RHOJ: variants seen among roughly 807,000 people sequenced by gnomAD.
RHOJ encodes the protein rho-related GTP-binding protein RhoJ.
Under a neutral mutation model 23.4 loss-of-function variants are expected in RHOJ, and 11 were observed. The observed-to-expected ratio is 0.47, with a 90% CI of 0.30 to 0.78. The LOEUF (loss-of-function observed/expected upper bound fraction) is 0.78, where lower values mean the gene tolerates loss of function less well. Among genes scored for constraint, RHOJ ranks in the 30% least tolerant of loss-of-function variants. RHOJ has a pLI of 0.08. For missense variants in RHOJ, 254 were observed against 273.4 expected, an observed-to-expected ratio of 0.93 and a Z score of 0.50; for synonymous variants, 102 against 102.7, an observed-to-expected ratio of 0.99 and a Z score of 0.04.
intron 4 of RHOJ, among the ~76,000 whole-genome samples, chr14:63,289,684 G>A (rs1882187088): frequency 1.3e-5 from 2 of 152,320 alleles, no homozygotes; most frequent in Middle Eastern, 3.4e-3. Flanking sequence ...ATTTTTAAAT[G>A]AGAATCTATA....
Position 63,238,413 on chromosome 14 carries a change from T to TTTA in RHOJ, c.179-30682_179-30680dup, listed in dbSNP as rs539718990. Among the ~76,000 whole-genome samples the TTTA allele has an allele frequency of 3.2e-4, 48 of 151,924 alleles. 1 individual carries two copies. The East Asian group carries it at 7.4e-3, about 23-fold the overall frequency. ...AGAAAGTCTTGAGCTATGCATTTTA[T>TTTA]TTATTATTATTATTATTTTTTTAGA... On this transcript the variant is annotated intron_variant, in intron 1 of 4. Coordinates refer to ENST00000316754, the MANE Select transcript of RHOJ (RefSeq NM_020663.5).
intron 1 of RHOJ, among the ~76,000 whole-genome samples, chr14:63,265,434 A>G (rs1410210010): frequency 2.0e-5 from 3 of 152,174 alleles, no homozygotes; most frequent in African/African-American, 7.2e-5. Context: ...GCCATGTAGT[A>G]TAGTTTGAAG....
intron 1 of RHOJ, among the ~76,000 whole-genome samples, chr14:63,219,643 C>T (rs1339081390): frequency 6.6e-6 from 1 of 152,020 alleles, no homozygotes; most frequent in Admixed American, 6.5e-5. Flanking sequence ...TGGTGAAACC[C>T]TGTCTCTACT....
intron 3 of RHOJ, among the ~76,000 whole-genome samples, chr14:63,282,735 T>C (rs1881950609): frequency 6.8e-6 from 1 of 147,672 alleles, no homozygotes; most frequent in East Asian, 2.0e-4. Context: ...TAGTAAATAA[T>C]GAGTAATATA....
Position 63,281,187 on chromosome 14 carries a change from C to A in RHOJ, c.402+52C>A, listed in dbSNP as rs770465306. 78 of 1,522,754 alleles carry A rather than the reference C, an allele frequency of 5.1e-5. 2 individuals carry two copies. The South Asian group carries it at 8.6e-4, about 17-fold the overall frequency. The allele number at this position is 1,522,754 out of a possible 1,614,324, so 94.3% of individuals were successfully genotyped here. On this transcript the variant is annotated intron_variant, in intron 3 of 4. Transcript: ENST00000316754. ...GAGCGGGCTGCAAAAATGGGAAGAC[C>A]CTTTAGGTACCTCGTGAACATCCTA...
intron 1 of RHOJ, among the ~76,000 whole-genome samples, chr14:63,219,808 G>A (rs1303547902): frequency 1.2e-5 from 1 of 80,298 alleles, no homozygotes; most frequent in Non-Finnish European, 2.5e-5. Flanking sequence ...GAGCGAGATT[G>A]CATCTCAAAA....
At chr14:63,274,359 G>A (rs1348161621) in intron 2 of RHOJ, among the ~76,000 whole-genome samples, 1 of 152,174 alleles carries the variant, frequency 6.6e-6, no homozygotes, top group African/African-American at 2.4e-5. Flanking sequence ...TTAGGGAGAA[G>A]TTTGCCCACA....
chr14:63,269,293 T>C (rs1285401152), intron 2 of RHOJ, 125 bp downstream of exon 2: 1 of 622,588 alleles, frequency 1.6e-6, no homozygotes, highest in African/African-American at 1.8e-5. Flanking sequence ...GGCCAATTTA[T>C]TGTCTGCCTA....
intron 3 of RHOJ, 86 bp downstream of exon 3, chr14:63,281,221 A>G: frequency 1.5e-6 from 2 of 1,310,746 alleles, no homozygotes; most frequent in South Asian, 1.5e-5. Context: ...TATTCTGCCA[A>G]ACGCTATGGA....
At chr14:63,290,620 C>CTGCTT (rs1459326613) in intron 4 of RHOJ, among the ~76,000 whole-genome samples, 1 of 148,538 alleles carries the variant, frequency 6.7e-6, no homozygotes, top group Admixed American at 6.8e-5. Flanking sequence ...TTAGGATTTA[C>CTGCTT]TGCTTTCCAG....
At chr14:63,235,637 A>T (rs1274330011) in intron 1 of RHOJ, among the ~76,000 whole-genome samples, 1 of 152,182 alleles carries the variant, frequency 6.6e-6, no homozygotes, top group Non-Finnish European at 1.5e-5. Context: ...ACTTTTTGGT[A>T]TGTTTCAAAA....
At chr14:63,212,516 T>C (rs1001655001) in intron 1 of RHOJ, among the ~76,000 whole-genome samples, 4 of 152,190 alleles carry the variant, frequency 2.6e-5, no homozygotes, top group African/African-American at 9.7e-5. Context: ...ACGTGATTCC[T>C]TGTGATCCAA....
rs1463205999 is a variant in RHOJ, at chr14:63,209,176, TA to T, written c.178+4130del. On this transcript the variant is annotated intron_variant, in intron 1 of 4. Transcript: ENST00000316754. ...CACCATCATCTCTCATCCAAACTAC[TA>T]TAATCAATTCCCAATTCCCTACTTC... Among the ~76,000 whole-genome samples the T allele has an allele frequency of 4.9e-4, 75 of 152,290 alleles. 1 individual carries two copies. The highest frequency in any genetic ancestry group is 1.7e-3 in the African/African-American group (72 of 41,582).
intron 1 of RHOJ, among the ~76,000 whole-genome samples, chr14:63,267,369 G>A (rs1895387443): frequency 2.6e-5 from 4 of 152,212 alleles, no homozygotes; most frequent in Admixed American, 2.0e-4. Context: ...TATTTGCAGT[G>A]CCCAGTGGGG....
intron 1 of RHOJ, among the ~76,000 whole-genome samples, chr14:63,207,126 G>A (rs568246683): frequency 6.6e-6 from 1 of 151,860 alleles, no homozygotes; most frequent in South Asian, 2.1e-4. Context: ...CCACCTCCTG[G>A]GTTCAAGCGA....
chr14:63,271,369 C>A (rs935587566), intron 2 of RHOJ, among the ~76,000 whole-genome samples: 7 of 152,168 alleles, frequency 4.6e-5, no homozygotes, highest in Non-Finnish European at 8.8e-5. Context: ...TGAGGCTAGA[C>A]CCATGGGAGA....
chr14:63,269,202 G>A (rs772881145), intron 2 of RHOJ, 34 bp downstream of exon 2: 37 of 1,485,534 alleles, frequency 2.5e-5, no homozygotes, highest in Middle Eastern at 3.4e-4. Flanking sequence ...ATTGGAGGGC[G>A]GTGGTGTAGG....
intron 1 of RHOJ, among the ~76,000 whole-genome samples, chr14:63,264,799 C>T (rs1365448946): frequency 6.6e-6 from 1 of 152,172 alleles, no homozygotes; most frequent in Non-Finnish European, 1.5e-5. Context: ...TTTTCATAAA[C>T]ATGTTGGCCA....
intron 1 of RHOJ, among the ~76,000 whole-genome samples, chr14:63,207,287 C>A (rs1894133794): frequency 6.6e-6 from 1 of 152,086 alleles, no homozygotes; most frequent in Non-Finnish European, 1.5e-5. Context: ...GCCTCAGCCT[C>A]CTAACGTGCT....
Sources: allele counts gnomAD v4.1 joint callset (sites outside exome capture counted in the v4.1 genomes callset), GRCh38; gene constraint gnomAD v4.1.1; transcripts MANE v1.5; gene names NCBI Gene and HGNC (gene_info 2026-07-23, HGNC 2026-07-21).